RFX2: variants seen among roughly 807,000 people sequenced by gnomAD.
The protein encoded by RFX2 is DNA-binding protein RFX2.
A neutral mutation model predicts 87.8 loss-of-function variants in RFX2; 20 were observed. The ratio of observed to expected loss-of-function variants is 0.23; its 90% CI spans 0.16 to 0.33. The LOEUF is 0.33. Ranked by LOEUF, RFX2 falls within the 10% of genes least tolerant of loss-of-function variation. The pLI, the probability that RFX2 is intolerant of heterozygous loss-of-function variation, is 1.00. For missense variants in RFX2, 767 were observed against 1,012.3 expected, an observed-to-expected ratio of 0.76 and a Z score of 3.29; for synonymous variants, 397 against 431.3, an observed-to-expected ratio of 0.92 and a Z score of 0.98.
At chr19:6,018,962 C>T (rs2086768546) in intron 6 of RFX2, among the ~76,000 whole-genome samples, 1 of 152,234 alleles carries the variant, frequency 6.6e-6, no homozygotes, top group Admixed American at 6.5e-5. Context: ...TAGCCTATCA[C>T]CTCCTCCTCA....
intron 1 of RFX2, among the ~76,000 whole-genome samples, chr19:6,060,920 C>T (rs1443194590): frequency 1.3e-5 from 2 of 152,090 alleles, no homozygotes; most frequent in Non-Finnish European, 2.9e-5. Flanking sequence ...ACTCCGGCTC[C>T]CTTCTCCAGC....
Position 6,012,985 on chromosome 19 carries a change from C to G in RFX2, c.899+1G>C. 1 of 1,547,172 alleles carries G rather than the reference C, an allele frequency of 6.5e-7. No homozygotes were observed. Among genetic ancestry groups the G allele is most frequent in the African/African-American group, 1.4e-5 (1 of 72,166 alleles). ...TCCTCCCAGCTCGGCCCGGCACCCA[C>G]CTGGGCTTCTGGTGCATGGGCTGCT... On this transcript the variant is annotated splice_donor_variant, in intron 8 of 17. Coordinates refer to ENST00000303657, the MANE Select transcript of RFX2 (RefSeq NM_000635.4). LOFTEE classifies it high-confidence loss of function. This position sits in a 1 kb window ranked among gnomAD's most constrained non-coding sequence, Gnocchi z 4.6.
chr19:6,026,315 C>G lies in RFX2; in HGVS notation c.523-78G>C. ...AGGAAATCAGATGGTTAGCATCAGC[C>G]AAGATTTGTTTTTATTAATATCCAA... On this transcript the variant is annotated intron_variant, in intron 5 of 17. Transcript: ENST00000303657. This position sits in a 1 kb window ranked among gnomAD's most constrained non-coding sequence, Gnocchi z 4.5. The G allele has an allele frequency of 1.6e-6, 2 of 1,257,860 alleles. No individual in the cohort carries two copies. Among genetic ancestry groups the G allele is most frequent in the Non-Finnish European group, 1.1e-6 (1 of 876,802 alleles). 77.9% of individuals were successfully genotyped at this position (1,257,860 alleles called of 1,614,324 possible).
At chr19:6,048,746 AG>A (rs1239640383) in intron 1 of RFX2, among the ~76,000 whole-genome samples, 2 of 152,364 alleles carry the variant, frequency 1.3e-5, no homozygotes, top group East Asian at 3.9e-4. Context: ...AAAAATGAAA[AG>A]TCAAACTTAC....
rs769007514 is a variant in RFX2, at chr19:6,016,046, G to T, written c.779+44C>A. The T allele has an allele frequency of 6.6e-7, 1 of 1,522,594 alleles. No individual in the cohort carries two copies. Among genetic ancestry groups the T allele is most frequent in the Non-Finnish European group, 8.8e-7 (1 of 1,130,860 alleles). 94.3% of individuals were successfully genotyped at this position (1,522,594 alleles called of 1,614,324 possible). On this transcript the variant is annotated intron_variant, in intron 7 of 17. Transcript: ENST00000303657. The surrounding 1 kb of genome is among the most constrained non-coding windows in gnomAD (Gnocchi z 5.4). The stretch of plus-strand genomic sequence containing the variant: ...TTTTCCCAAAAGCTCCATTTCTTGG[G>T]AAAGGAAGAGGAAGAACAGGTGGGC...
At chr19:6,098,944 T>C (rs1233994976) in intron 1 of RFX2, among the ~76,000 whole-genome samples, 2 of 134,500 alleles carry the variant, frequency 1.5e-5, no homozygotes, top group African/African-American at 6.1e-5. Flanking sequence ...CTTTCAAATC[T>C]TTCACAAACT....
At chr19:6,053,438 A>G (rs1206995655) in intron 1 of RFX2, among the ~76,000 whole-genome samples, 1 of 152,236 alleles carries the variant, frequency 6.6e-6, no homozygotes, top group East Asian at 1.9e-4. Flanking sequence ...ACATTTGTCC[A>G]AACCATAGAA....
intron 1 of RFX2, chr19:6,067,946 A>T (rs965766526): frequency 6.6e-6 from 1 of 152,246 alleles, no homozygotes; most frequent in East Asian, 1.9e-4. Flanking sequence ...TCCAGGAGTC[A>T]TTCCTAGAAT....
rs1431965108 is a variant in RFX2, at chr19:6,061,124, G to A, written c.-8-13620C>T. Among the ~76,000 whole-genome samples the A allele has an allele frequency of 6.6e-6, 1 of 152,062 alleles. No homozygotes were observed. Among genetic ancestry groups the A allele is most frequent in the Non-Finnish European group, 1.5e-5 (1 of 68,006 alleles). The stretch of plus-strand genomic sequence containing the variant: ...GCTGTCTCCACCTGATACCATCTCT[G>A]CCTCCCCCTTCCTTCCGCTCCTGCT... On this transcript the variant is annotated intron_variant, in intron 1 of 17. Transcript: ENST00000303657. This position sits in a 1 kb window ranked among gnomAD's most constrained non-coding sequence, Gnocchi z 5.2.
intron 1 of RFX2, among the ~76,000 whole-genome samples, chr19:6,080,900 G>C (rs2144858000): frequency 6.6e-6 from 1 of 152,098 alleles, no homozygotes; most frequent in East Asian, 1.9e-4. Context: ...GCTGGGTGTG[G>C]TGATGCACGC....
At chr19:6,079,929 C>G (rs1405501457) in intron 1 of RFX2, among the ~76,000 whole-genome samples, 1 of 141,324 alleles carries the variant, frequency 7.1e-6, no homozygotes, top group Non-Finnish European at 1.5e-5. Flanking sequence ...AACCATAGAA[C>G]AGCAAACCTA....
chr19:6,055,978 T>A (rs1024138533), intron 1 of RFX2, among the ~76,000 whole-genome samples: 1 of 149,790 alleles, frequency 6.7e-6, no homozygotes, highest in African/African-American at 2.5e-5. Context: ...ATGAGTAGAG[T>A]GGATTAAAAC....
rs374865445 is a variant in RFX2, at chr19:6,010,006, C to T, written c.1015+130G>A. 374 of 521,672 alleles carry T rather than the reference C, an allele frequency of 7.2e-4. 9 individuals are homozygous for T. The South Asian group carries it at 0.012, about 17-fold the overall frequency. The allele number at this position is 521,672 out of a possible 1,614,324, so 32.3% of individuals were successfully genotyped here. On this transcript the variant is annotated intron_variant, in intron 9 of 17. Transcript: ENST00000303657. This position sits in a 1 kb window ranked among gnomAD's most constrained non-coding sequence, Gnocchi z 5.0. ...GGTTTATCGAAAACTTTCTATTTGT[C>T]CGAAAAGGTGTCTCGTAAGAAAACT...
rs1439812525 is a variant in RFX2, at chr19:6,101,265, T to A, written c.-9+9128A>T. Among the ~76,000 whole-genome samples, 1 of 152,202 alleles carries A rather than the reference T, an allele frequency of 6.6e-6. No individual in the cohort carries two copies. Among genetic ancestry groups the A allele is most frequent in the East Asian group, 1.9e-4 (1 of 5,200 alleles). ...AGAAAACGAATAATTCCTTTTAAAA[T>A]CAGAAGCACATCTTTTAGTCTGTTT... On this transcript the variant is annotated intron_variant, in intron 1 of 17. Transcript: ENST00000303657. This position sits in a 1 kb window ranked among gnomAD's most constrained non-coding sequence, Gnocchi z 4.9.
At chr19:6,033,449 C>G (rs188190411) in intron 5 of RFX2, among the ~76,000 whole-genome samples, 1 of 152,202 alleles carries the variant, frequency 6.6e-6, no homozygotes, top group Non-Finnish European at 1.5e-5. Flanking sequence ...AGAAGGATGA[C>G]TTGTCTGGTA....
At chr19:6,014,682 C>T (rs771658152) in intron 7 of RFX2, among the ~76,000 whole-genome samples, 3 of 152,224 alleles carry the variant, frequency 2.0e-5, no homozygotes, top group Non-Finnish European at 2.9e-5. Flanking sequence ...GGATACTCTG[C>T]AGGGGAGGCC....
At chr19:6,041,094 G>C (rs911914481) in intron 4 of RFX2, among the ~76,000 whole-genome samples, 1 of 151,978 alleles carries the variant, frequency 6.6e-6, no homozygotes, top group African/African-American at 2.4e-5. Flanking sequence ...TTTGAGACAG[G>C]GTCTCCTTCT....
rs1272298951 is a variant in RFX2, at chr19:6,004,935, A to C, written c.1403-637T>G. On this transcript the variant is annotated intron_variant, in intron 12 of 17. Transcript: ENST00000303657. This position sits in a 1 kb window ranked among gnomAD's most constrained non-coding sequence, Gnocchi z 4.8. ...GGAGTTCGAGACCAGCCTGGCCAAC[A>C]TGGTGAAACCCTATCTCTACTAAAA... 1.3e-5 allele frequency among the ~76,000 whole-genome samples: 2 copies of C among 152,094 alleles called. No individual in the cohort carries two copies. The highest frequency in any genetic ancestry group is 4.1e-4 in the South Asian group (2 of 4,822).
rs1408964264 is a variant in RFX2 at position 6,012,029 on chromosome 19, G to A, written c.899+957C>T. The A allele has an allele frequency of 2.0e-5, 3 of 152,252 alleles. No individual in the cohort carries two copies. The highest frequency in any genetic ancestry group is 7.2e-5 in the African/African-American group (3 of 41,462). 9.4% of individuals were successfully genotyped at this position (152,252 alleles called of 1,614,324 possible). ...TGCCCATCATCCTCATGCTGTCTGT[G>A]GCTGCTTTCAGGATGTAGCCAAATT... On this transcript the variant is annotated intron_variant, in intron 8 of 17. Coordinates refer to ENST00000303657, the MANE Select transcript of RFX2 (RefSeq NM_000635.4). The surrounding 1 kb of genome is among the most constrained non-coding windows in gnomAD (Gnocchi z 4.6).
Sources: gnomAD v4.1 joint callset for allele counts (sites outside exome capture counted in the v4.1 genomes callset) on GRCh38, gnomAD v4.1.1 for gene constraint, Gnocchi (gnomAD v3.1) non-coding constraint, MANE v1.5 for transcripts, NCBI Gene and HGNC (gene_info 2026-07-23, HGNC 2026-07-21) for gene names.